Variants in BAZ1A observed in about 807,000 individuals in gnomAD.
The protein encoded by BAZ1A is bromodomain adjacent to zinc finger domain 1A.
BAZ1A carries 50 observed loss-of-function variants against 185.2 expected under a neutral mutation model. The ratio of observed to expected loss-of-function variants is 0.27; its 90% CI spans 0.22 to 0.34. The LOEUF (loss-of-function observed/expected upper bound fraction) is 0.34, where lower values mean the gene tolerates loss of function less well. Among genes scored for constraint, BAZ1A ranks in the 10% least tolerant of loss-of-function variants. The probability of loss-of-function intolerance (pLI) is 1.00; values close to 1 mark genes in which losing one functional copy is unlikely to be tolerated. For missense variants in BAZ1A, 1,356 were observed against 1,839.9 expected (o/e 0.74, Z 4.81); for synonymous variants, 571 against 615.6 (o/e 0.93, Z 1.07).
intron 3 of BAZ1A, among the ~76,000 whole-genome samples, chr14:34,832,695 G>A (rs548187524): frequency 6.6e-6 from 1 of 152,156 alleles, no homozygotes; most frequent in Admixed American, 6.5e-5. Context: ...TAGAGGAAAT[G>A]GAACACTAGT....
intron 24 of BAZ1A, among the ~76,000 whole-genome samples, chr14:34,759,184 T>TTTTTTTTTTTG (rs1886410190): frequency 3.7e-5 from 4 of 108,108 alleles, no homozygotes; most frequent in South Asian, 7.4e-4. Context: ...TTTTTTTTTT[T>TTTTTTTTTTTG]TTTTTTTTTT....
At chr14:34,779,213 G>A (rs1014196905) in intron 17 of BAZ1A, among the ~76,000 whole-genome samples, 5 of 151,920 alleles carry the variant, frequency 3.3e-5, no homozygotes, top group African/African-American at 4.8e-5. Context: ...GATTTGGGGG[G>A]ATTATTCTTT....
At chr14:34,758,333 C>G (rs1221086250) in intron 25 of BAZ1A, among the ~76,000 whole-genome samples, 7 of 150,988 alleles carry the variant, frequency 4.6e-5, no homozygotes, top group African/African-American at 7.3e-5. Flanking sequence ...TGGAATCCCA[C>G]CACTTTGGGG....
chr14:34,784,987 C>T (rs986695342), intron 14 of BAZ1A, among the ~76,000 whole-genome samples: 34 of 152,296 alleles, frequency 2.2e-4, no homozygotes, highest in Admixed American at 1.1e-3. Flanking sequence ...CTCCGAGTAG[C>T]TGGGACTACA....
Position 34,765,275 on chromosome 14 carries a change from T to C in BAZ1A, c.3302-7A>G, listed in dbSNP as rs1036431139. On this transcript the variant is annotated splice_polypyrimidine_tract_variant and splice_region_variant and intron_variant, in intron 21 of 26. Coordinates refer to ENST00000360310, the MANE Select transcript of BAZ1A (RefSeq NM_013448.3). Reference sequence around the variant, plus strand: ...CGCCCACTGTCACTGGCATCTTAAATGAAAAGGGAAAGTGATTACAATTTT... The same window carrying C: ...CGCCCACTGTCACTGGCATCTTAAACGAAAAGGGAAAGTGATTACAATTTT... 1.9e-6 allele frequency: 3 copies of C among 1,610,524 alleles called. No homozygotes were observed. The African/African-American group carries it at 4.0e-5, about 22-fold the overall frequency.
intron 24 of BAZ1A, among the ~76,000 whole-genome samples, chr14:34,760,912 GATT>G (rs1886494486): frequency 1.3e-5 from 2 of 152,046 alleles, no homozygotes; most frequent in African/African-American, 4.8e-5. Flanking sequence ...GAAAGGAAGA[GATT>G]ATGAATTTCT....
chr14:34,862,036 T>C lies in BAZ1A; in HGVS notation c.392+8A>G. The stretch of plus-strand genomic sequence containing the variant: ...ACTTACCAAGAGGAAAAATTAAAAG[T>C]ACTTTACCTTGCACCATTGTTCCTA... On this transcript the variant is annotated splice_region_variant and intron_variant, in intron 3 of 26. Transcript: ENST00000360310. 1 of 1,610,884 alleles carries C rather than the reference T, an allele frequency of 6.2e-7. No individual in the cohort carries two copies. The highest frequency in any genetic ancestry group is 8.5e-7 in the Non-Finnish European group (1 of 1,178,042).
chr14:34,771,722 C>T, intron 20 of BAZ1A, 63 bp from the exon 21 acceptor site: 1 of 1,487,830 alleles, frequency 6.7e-7, no homozygotes, highest in Non-Finnish European at 9.2e-7. Context: ...AACTTGAGTC[C>T]ATTCATTGGT....
intron 4 of BAZ1A, among the ~76,000 whole-genome samples, chr14:34,818,324 G>C (rs1310680674): frequency 6.6e-6 from 1 of 152,186 alleles, no homozygotes; most frequent in African/African-American, 2.4e-5. Context: ...CCTAGGGGCT[G>C]GGAGGAGGGA....
intron 4 of BAZ1A, among the ~76,000 whole-genome samples, chr14:34,816,271 T>C (rs1020950517): frequency 2.6e-5 from 4 of 151,814 alleles, no homozygotes; most frequent in East Asian, 3.9e-4. Context: ...GTATTTTTAG[T>C]AGAGATGGGG....
At chr14:34,777,262 A>G (rs933794438) in intron 17 of BAZ1A, among the ~76,000 whole-genome samples, 6 of 152,366 alleles carry the variant, frequency 3.9e-5, no homozygotes, top group South Asian at 4.1e-4. Context: ...CTGTGGTTCA[A>G]TGTAACTATT....
chr14:34,854,774 G>A (rs1448126476), intron 3 of BAZ1A, among the ~76,000 whole-genome samples: 5 of 152,148 alleles, frequency 3.3e-5, no homozygotes, highest in Non-Finnish European at 4.4e-5. Flanking sequence ...CAGAGATAAA[G>A]GTATCCTATT....
Position 34,807,445 on chromosome 14 carries a change from G to T in BAZ1A, c.726+6C>A, listed in dbSNP as rs2041861875. 1 of 1,584,826 alleles carries T rather than the reference G, an allele frequency of 6.3e-7. No individual in the cohort carries two copies. The highest frequency in any genetic ancestry group is 1.1e-5 in the South Asian group (1 of 88,856). ...CTTCCAACAAATAATTTCATTATTT[G>T]ATTACCTTTATTTTAATGACTCCAT... On this transcript the variant is annotated splice_donor_region_variant and intron_variant, in intron 6 of 26. Transcript: ENST00000360310.
At chr14:34,797,336 G>A (rs999652214) in intron 9 of BAZ1A, among the ~76,000 whole-genome samples, 1 of 151,982 alleles carries the variant, frequency 6.6e-6, no homozygotes, top group African/African-American at 2.4e-5. Context: ...GAGGCGGGCA[G>A]ATCACTTGAG....
intron 2 of BAZ1A, among the ~76,000 whole-genome samples, chr14:34,867,512 C>A (rs1035504155): frequency 3.3e-5 from 5 of 152,136 alleles, no homozygotes; most frequent in African/African-American, 1.2e-4. Flanking sequence ...CTTAACACTG[C>A]CTAAAAATAC....
chr14:34,789,352 TTAAA>T (rs1367933203), intron 12 of BAZ1A, among the ~76,000 whole-genome samples: 1 of 152,238 alleles, frequency 6.6e-6, no homozygotes, highest in Non-Finnish European at 1.5e-5. Context: ...TTTAATTGTG[TTAAA>T]TAAAGTAATA....
At chr14:34,816,232 C>T (rs1215333703) in intron 4 of BAZ1A, among the ~76,000 whole-genome samples, 2 of 151,948 alleles carry the variant, frequency 1.3e-5, no homozygotes, top group East Asian at 3.9e-4. Flanking sequence ...GGACTACAGG[C>T]ACGTGCCACC....
rs537152869 is a variant in BAZ1A, at chr14:34,854,998, G to A, written c.392+7046C>T. On this transcript the variant is annotated intron_variant, in intron 3 of 26. Coordinates refer to ENST00000360310, the MANE Select transcript of BAZ1A (RefSeq NM_013448.3). ...GGAGGCTGGGGCACAAGTATCGCTC[G>A]AACCCAGTAGGCGGAGGTTGCAGTG... 1.4e-4 allele frequency among the ~76,000 whole-genome samples: 22 copies of A among 152,212 alleles called. 1 individual carries two copies. The South Asian group carries it at 4.4e-3, about 30-fold the overall frequency.
In BAZ1A at chr14:34,787,094, C is replaced by A. The variant is rs371301363; in HGVS notation, c.1511-873G>T. On this transcript the variant is annotated intron_variant, in intron 12 of 26. Transcript: ENST00000360310. ...TCCAGGCCAAGTGCGGTGGCTCATG[C>A]CTGTAATCTCAGCACTTTGGGAGGC... is the stretch of plus-strand genomic sequence containing the variant. Among the ~76,000 whole-genome samples the A allele has an allele frequency of 5.1e-3, 782 of 152,116 alleles. 9 individuals carry two copies. Among genetic ancestry groups the A allele is most frequent in the African/African-American group, 0.018 (750 of 41,494 alleles).
Sources: gnomAD v4.1 joint callset for allele counts (sites outside exome capture counted in the v4.1 genomes callset) on GRCh38, gnomAD v4.1.1 for gene constraint, MANE v1.5 for transcripts, NCBI Gene and HGNC (gene_info 2026-07-23, HGNC 2026-07-21) for gene names.